HCRTR2: variants seen among roughly 807,000 people sequenced by gnomAD.
HCRTR2 encodes orexin receptor type 2.
A neutral mutation model predicts 49.0 loss-of-function variants in HCRTR2; 22 were observed. The ratio of observed to expected loss-of-function variants is 0.45; its 90% CI spans 0.32 to 0.64. The LOEUF (loss-of-function observed/expected upper bound fraction) is 0.64, where lower values mean the gene tolerates loss of function less well. Ranked by LOEUF, HCRTR2 falls within the 30% of genes least tolerant of loss-of-function variation. The pLI is 0.04. For missense variants in HCRTR2, 491 were observed against 559.4 expected (o/e 0.88, Z 1.23); for synonymous variants, 236 against 205.3 (o/e 1.15, Z -1.28).
At chr6:55,161,846 G>A (rs1055366437) in intron 1 of HCRTR2, among the ~76,000 whole-genome samples, 4 of 151,814 alleles carry the variant, frequency 2.6e-5, no homozygotes, top group Non-Finnish European at 2.9e-5. Context: ...AATTAATAGC[G>A]TTCCAATGAA....
intron 1 of HCRTR2, among the ~76,000 whole-genome samples, chr6:55,145,482 C>T (rs1304253206): frequency 2.0e-5 from 3 of 150,334 alleles, no homozygotes; most frequent in Non-Finnish European, 4.4e-5. Flanking sequence ...GCGATCTCGG[C>T]TCACTGCAAG....
chr6:55,240,654 T>G, intron 1 of HCRTR2: 1 of 234,780 alleles, frequency 4.3e-6, no homozygotes, highest in East Asian at 1.3e-4. Flanking sequence ...TGTGATGGAG[T>G]GAAAACAAGA....
chr6:55,237,933 C>G (rs557598241), intron 1 of HCRTR2, among the ~76,000 whole-genome samples: 2 of 152,110 alleles, frequency 1.3e-5, no homozygotes, highest in Admixed American at 1.3e-4. Context: ...AGGTTCTTCC[C>G]TTCTTACTCT....
At chr6:55,154,699 GATAAATAAATAAATAAAT>G (rs1404892949) in intron 1 of HCRTR2, among the ~76,000 whole-genome samples, 15 of 146,890 alleles carry the variant, frequency 1.0e-4, no homozygotes, top group Non-Finnish European at 1.8e-4. Context: ...TAAATAAATA[GATAAATAAATAAATAAAT>G]ATAAATAAAT....
At chr6:55,117,288 G>A (rs1764131295) in intron 1 of HCRTR2, among the ~76,000 whole-genome samples, 1 of 151,872 alleles carries the variant, frequency 6.6e-6, no homozygotes, top group Non-Finnish European at 1.5e-5. Flanking sequence ...AAGTGAGAAA[G>A]TATCATGGTA....
At chr6:55,262,504 TA>T (rs1766782657) in intron 3 of HCRTR2, among the ~76,000 whole-genome samples, 1 of 130,864 alleles carries the variant, frequency 7.6e-6, no homozygotes, top group Non-Finnish European at 1.6e-5. Flanking sequence ...TTATATATTA[TA>T]ATATAACTTA....
intron 1 of HCRTR2, among the ~76,000 whole-genome samples, chr6:55,128,576 T>G (rs1333888552): frequency 6.6e-6 from 1 of 152,204 alleles, no homozygotes; most frequent in Non-Finnish European, 1.5e-5. Flanking sequence ...TTTTCATTTG[T>G]TTAGGTCATT....
At chr6:55,268,894 T>A (rs954584980) in intron 4 of HCRTR2, among the ~76,000 whole-genome samples, 1 of 151,482 alleles carries the variant, frequency 6.6e-6, no homozygotes, top group African/African-American at 2.4e-5. Flanking sequence ...ATTGAGACCA[T>A]CCTAGCTAAC....
intron 1 of HCRTR2, among the ~76,000 whole-genome samples, chr6:55,191,602 T>C (rs1310886689): frequency 6.6e-6 from 1 of 152,124 alleles, no homozygotes; most frequent in Non-Finnish European, 1.5e-5. Flanking sequence ...ATCATAAATG[T>C]CAGGAGTTAT....
intron 1 of HCRTR2, among the ~76,000 whole-genome samples, chr6:55,122,151 G>T (rs1764209706): frequency 6.6e-6 from 1 of 152,068 alleles, no homozygotes; most frequent in Non-Finnish European, 1.5e-5. Context: ...GCCTGTTATT[G>T]GTCTATTCAG....
At chr6:55,171,344 C>T (rs1764946768), upstream of HCRTR2, among the ~76,000 whole-genome samples, 1 of 152,130 alleles carries the variant, frequency 6.6e-6, no homozygotes, top group East Asian at 1.9e-4. Flanking sequence ...AAGGGGATAT[C>T]ATGGTACAAA....
intron 4 of HCRTR2, among the ~76,000 whole-genome samples, chr6:55,276,398 A>G (rs945287033): frequency 6.6e-6 from 1 of 152,234 alleles, no homozygotes; most frequent in Admixed American, 6.5e-5. Context: ...AACAAAATCT[A>G]TCGAACATCT....
At chr6:55,146,302 A>T (rs1296519894) in intron 1 of HCRTR2, among the ~76,000 whole-genome samples, 1 of 152,226 alleles carries the variant, frequency 6.6e-6, no homozygotes, top group Non-Finnish European at 1.5e-5. Context: ...GGACACTGGC[A>T]TTAATGCAAA....
At chr6:55,208,319 T>TAAAAAAAA (rs561714147) in intron 1 of HCRTR2, among the ~76,000 whole-genome samples, 2 of 126,732 alleles carry the variant, frequency 1.6e-5, no homozygotes, top group East Asian at 2.4e-4. Flanking sequence ...CTACGAAAAA[T>TAAAAAAAA]AAAAAAATAA....
chr6:55,115,149 C>G (rs1764098325), intron 1 of HCRTR2, among the ~76,000 whole-genome samples: 1 of 151,748 alleles, frequency 6.6e-6, no homozygotes, highest in Non-Finnish European at 1.5e-5. Flanking sequence ...TCTTCTACTT[C>G]TGTACCTTAT....
chr6:55,133,690 T>TATCTATC (rs1465135338), intron 1 of HCRTR2, among the ~76,000 whole-genome samples: 1 of 150,218 alleles, frequency 6.7e-6, no homozygotes, highest in African/African-American at 2.5e-5. Flanking sequence ...TCTATCTATC[T>TATCTATC]ATCTATCTAT....
chr6:55,145,125 CTCCCT>C (rs1764561280), intron 1 of HCRTR2, among the ~76,000 whole-genome samples: 7 of 150,530 alleles, frequency 4.7e-5, no homozygotes, highest in Admixed American at 4.6e-4. Context: ...TTTAAATGTG[CTCCCT>C]CCTTCTCATT....
chr6:55,170,436 T>G (rs532815168), upstream of HCRTR2, among the ~76,000 whole-genome samples: 1 of 151,752 alleles, frequency 6.6e-6, no homozygotes, highest in Non-Finnish European at 1.5e-5. Flanking sequence ...TAAGTATTTA[T>G]TATTTCTCTG....
chr6:55,267,802 T>C (rs1177811996), intron 4 of HCRTR2, among the ~76,000 whole-genome samples: 1 of 152,024 alleles, frequency 6.6e-6, no homozygotes, highest in Non-Finnish European at 1.5e-5. Context: ...TATTTGATGA[T>C]GACAAATCAG....
Sources: allele counts gnomAD v4.1 joint callset (sites outside exome capture counted in the v4.1 genomes callset), GRCh38; gene constraint gnomAD v4.1.1; transcripts MANE v1.5; gene names NCBI Gene and HGNC (gene_info 2026-07-23, HGNC 2026-07-21).